SPECC1: variants seen among roughly 807,000 people sequenced by gnomAD.
SPECC1 encodes sperm antigen with calponin homology and coiled-coil domains 1.
A neutral mutation model predicts 104.1 loss-of-function variants in SPECC1; 62 were observed. The observed-to-expected ratio is 0.60, with a 90% CI of 0.49 to 0.74. The LOEUF (loss-of-function observed/expected upper bound fraction) is 0.74, where lower values mean the gene tolerates loss of function less well. Among genes scored for constraint, SPECC1 ranks in the 30% least tolerant of loss-of-function variants. SPECC1 has a pLI of 0.00. For synonymous variants in SPECC1, 513 were observed against 501.6 expected (o/e 1.02, Z -0.30); for missense variants, 1,306 against 1,310.5 (o/e 1.00, Z 0.05).
intron 3 of SPECC1, among the ~76,000 whole-genome samples, chr17:20,146,751 A>G (rs529457666): frequency 1.7e-3 from 265 of 152,110 alleles, no homozygotes; most frequent in African/African-American, 6.2e-3. Flanking sequence ...CTAAAAATAC[A>G]AAAAATTAGC....
At chr17:20,240,159 C>G (rs765022131) in intron 7 of SPECC1, among the ~76,000 whole-genome samples, 1 of 141,382 alleles carries the variant, frequency 7.1e-6, no homozygotes, top group Non-Finnish European at 1.5e-5. Context: ...TCAAGTGATC[C>G]TCCCAACTCA....
intron 1 of SPECC1, among the ~76,000 whole-genome samples, chr17:20,052,410 GT>G (rs2045807770): frequency 2.0e-5 from 3 of 152,224 alleles, no homozygotes; most frequent in East Asian, 3.9e-4. Context: ...CCTCTGAAAG[GT>G]CATACATCAA....
chr17:20,260,501 G>A lies in SPECC1; in HGVS notation c.2940+207G>A, dbSNP rs181276880. Among the ~76,000 whole-genome samples, 366 of 152,290 alleles carry A rather than the reference G, an allele frequency of 2.4e-3. 5 individuals carry two copies. In the South Asian group the frequency reaches 0.033, roughly 14 times the overall value. On this transcript the variant is annotated intron_variant, in intron 12 of 14. Coordinates refer to ENST00000395527, the MANE Select transcript of SPECC1 (RefSeq NM_001243439.2). ...ACAGAGGCAAATGCAACTGAAAAAC[G>A]GTCTGCACTCCACCCACCAAATGTA...
chr17:20,106,961 A>G (rs1191674446), intron 2 of SPECC1, among the ~76,000 whole-genome samples: 1 of 151,854 alleles, frequency 6.6e-6, no homozygotes, highest in East Asian at 1.9e-4. Context: ...GTTTGAGACC[A>G]GCCTGGGCAA....
chr17:20,225,544 C>G (rs1296945073), intron 4 of SPECC1, among the ~76,000 whole-genome samples: 1 of 152,138 alleles, frequency 6.6e-6, no homozygotes, highest in Admixed American at 6.6e-5. Flanking sequence ...GGGACAGCAC[C>G]AAATTCCAAT....
At chr17:20,182,806 C>T (rs2034999201) in intron 3 of SPECC1, among the ~76,000 whole-genome samples, 1 of 152,120 alleles carries the variant, frequency 6.6e-6, no homozygotes, top group African/African-American at 2.4e-5. Context: ...ACCTGCACTG[C>T]CTGTTAAAGA....
In SPECC1 at chr17:20,260,207, C is replaced by T. The variant is rs773234340; in HGVS notation, c.2853C>T (p.Asp951=). The T allele has an allele frequency of 6.2e-7, 1 of 1,613,724 alleles. No individual in the cohort carries two copies. Among genetic ancestry groups the T allele is most frequent in the Non-Finnish European group, 8.5e-7 (1 of 1,179,756 alleles). Residue 951 remains aspartate (D), a synonymous_variant, in exon 12 of 15, where the codon GAC becomes GAT. Transcript: ENST00000395527. ...TTCTAACCAGTGTGGAAAGAAAAGA[C>T]CCTCTGGCAGCCTTGGCCCGGGAAT... The part of the protein sequence containing the change: ...PQSKLSVERK[D]PLAALAREYG...
At chr17:20,202,348 T>C (rs1268217574) in intron 3 of SPECC1, among the ~76,000 whole-genome samples, 1 of 152,140 alleles carries the variant, frequency 6.6e-6, no homozygotes, top group African/African-American at 2.4e-5. Context: ...TTCTTGAGTA[T>C]GTTTTGTTGT....
At chr17:20,193,389 A>G (rs528393576) in intron 3 of SPECC1, among the ~76,000 whole-genome samples, 1 of 152,152 alleles carries the variant, frequency 6.6e-6, no homozygotes, top group African/African-American at 2.4e-5. Context: ...TTCAAGATGG[A>G]GTTGTTCTGG....
intron 3 of SPECC1, among the ~76,000 whole-genome samples, chr17:20,165,105 C>T (rs988972553): frequency 1.3e-5 from 2 of 152,112 alleles, no homozygotes; most frequent in East Asian, 1.9e-4. Flanking sequence ...CATAAGTAAA[C>T]GTGTGCCATG....
chr17:20,305,075 G>C (rs2041720227), intron 13 of SPECC1, among the ~76,000 whole-genome samples: 1 of 152,088 alleles, frequency 6.6e-6, no homozygotes, highest in South Asian at 2.1e-4. Context: ...AGTAACAGAG[G>C]AACTCCTTTA....
intron 1 of SPECC1, among the ~76,000 whole-genome samples, chr17:20,071,717 C>A (rs1361978148): frequency 6.6e-6 from 1 of 151,922 alleles, no homozygotes; most frequent in Non-Finnish European, 1.5e-5. Flanking sequence ...TTTTTTTTAA[C>A]GTGATAACTT....
intron 7 of SPECC1, chr17:20,238,503 C>A (rs931029801): frequency 9.6e-7 from 1 of 1,041,810 alleles, no homozygotes; most frequent in South Asian, 4.6e-5. Flanking sequence ...AAGTTACTGT[C>A]TAATAAAAGG....
intron 4 of SPECC1, among the ~76,000 whole-genome samples, chr17:20,211,718 G>A (rs1250787523): frequency 6.6e-6 from 1 of 152,266 alleles, no homozygotes; most frequent in Non-Finnish European, 1.5e-5. Context: ...CAGTCAGATA[G>A]TTTGAGGAAG....
intron 1 of SPECC1, among the ~76,000 whole-genome samples, chr17:20,088,900 G>A (rs933665963): frequency 6.6e-6 from 1 of 152,218 alleles, no homozygotes; most frequent in Non-Finnish European, 1.5e-5. Context: ...GGCTTGAGGA[G>A]CTCCCTTGCC....
chr17:20,049,715 G>T (rs906212114), intron 1 of SPECC1, among the ~76,000 whole-genome samples: 1 of 152,046 alleles, frequency 6.6e-6, no homozygotes, highest in Non-Finnish European at 1.5e-5. Context: ...TAACTTCAGG[G>T]TTTTTATATT....
At chr17:20,210,839 C>T (rs866120489) in intron 4 of SPECC1, among the ~76,000 whole-genome samples, 21 of 152,274 alleles carry the variant, frequency 1.4e-4, no homozygotes, top group African/African-American at 4.6e-4. Context: ...CATATTCCCA[C>T]CCCTCCCTCC....
chr17:20,199,943 C>T (rs775894144), intron 3 of SPECC1, among the ~76,000 whole-genome samples: 13 of 152,224 alleles, frequency 8.5e-5, no homozygotes, highest in Middle Eastern at 3.4e-3. Flanking sequence ...GCGTTTGTGG[C>T]ACCACCGCCC....
intron 3 of SPECC1, chr17:20,156,246 G>C: frequency 7.4e-7 from 1 of 1,353,816 alleles, no homozygotes; most frequent in East Asian, 3.1e-5. Flanking sequence ...GGTCTGTGCG[G>C]CTGGCGGGGG....
Sources: gnomAD v4.1 joint callset for allele counts (sites outside exome capture counted in the v4.1 genomes callset) on GRCh38, gnomAD v4.1.1 for gene constraint, MANE v1.5 for transcripts, NCBI Gene and HGNC (gene_info 2026-07-23, HGNC 2026-07-21) for gene names.